The following SENP5 variants were observed in gnomAD, a reference collection of about 807,000 sequenced individuals.
SENP5 encodes the protein SUMO specific peptidase 5, also known as sentrin-specific protease 5.
SENP5 carries 21 observed loss-of-function variants against 74.2 expected under a neutral mutation model. That is an observed-to-expected ratio of 0.28 (90% CI 0.20 to 0.41). The LOEUF is 0.41. Ranked by LOEUF, SENP5 falls within the 10% of genes least tolerant of loss-of-function variation. The pLI, the probability that SENP5 is intolerant of heterozygous loss-of-function variation, is 1.00. For synonymous variants in SENP5, 311 were observed against 312.7 expected, an observed-to-expected ratio of 0.99 and a Z score of 0.06; for missense variants, 717 against 889.1, an observed-to-expected ratio of 0.81 and a Z score of 2.46.
chr3:196,875,055 T>C (rs908721687), intron 1 of SENP5, among the ~76,000 whole-genome samples: 10 of 152,216 alleles, frequency 6.6e-5, no homozygotes, highest in Admixed American at 4.6e-4. Context: ...TATATCTAGC[T>C]GTATATATCC....
At chr3:196,879,945 A>C (rs1713651734) in intron 1 of SENP5, among the ~76,000 whole-genome samples, 1 of 151,970 alleles carries the variant, frequency 6.6e-6, no homozygotes, top group Non-Finnish European at 1.5e-5. Context: ...GTTTTGTTTC[A>C]GTTTTTTTTG....
Position 196,886,067 on chromosome 3 carries a change from C to G in SENP5, c.886C>G (p.Pro296Ala). Residue 296 changes from proline (P) to alanine (A), a missense_variant, in exon 2 of 10, where the codon CCT (proline) becomes GCT (alanine). Around this residue, in one of 4 missense-constraint regions of SENP5, gnomAD observed 567 missense variants for 577.4 expected, o/e 0.98. Coordinates refer to ENST00000323460, the MANE Select transcript of SENP5 (RefSeq NM_152699.5). The stretch of plus-strand genomic sequence containing the variant: ...TTGCAGCCCATTTCCTTCCCCAGAA[C>G]CTAAAGACCCTTCTTGTCGGCATCA... ...GSCSPFPSPE[P>A]KDPSCRHQPY... The G allele has an allele frequency of 1.2e-6, 2 of 1,614,180 alleles. No individual in the cohort carries two copies. The highest frequency in any genetic ancestry group is 1.7e-6 in the Non-Finnish European group (2 of 1,180,030).
chr3:196,869,891 A>G (rs576335032), intron 1 of SENP5, among the ~76,000 whole-genome samples: 1 of 148,624 alleles, frequency 6.7e-6, no homozygotes, highest in Non-Finnish European at 1.5e-5. Context: ...TTCAAAAATC[A>G]TAGAAAAATT....
chr3:196,908,331 C>G (rs1714989516), intron 6 of SENP5, among the ~76,000 whole-genome samples: 1 of 152,114 alleles, frequency 6.6e-6, no homozygotes, highest in Admixed American at 6.5e-5. Flanking sequence ...CAACCTGTTC[C>G]TGAATAACTC....
chr3:196,886,352 G>A lies in SENP5; in HGVS notation c.1171G>A (p.Glu391Lys). 1.9e-6 allele frequency: 3 copies of A among 1,613,440 alleles called. No individual in the cohort carries two copies. Among genetic ancestry groups the A allele is most frequent in the Non-Finnish European group, 2.5e-6 (3 of 1,179,762 alleles). ...RSNTMFISET[E>K]REIMTLGQEN... is the part of the protein sequence containing the mutation. ...TAATACCATGTTCATTTCAGAAACT[G>A]AAAGAGAAATTATGACTCTGGGTCA... The change falls in exon 2 of 10, where the codon GAA becomes AAA. Residue 391 changes from glutamate (E) to lysine (K), a missense_variant. Glu to Lys is a moderately conservative substitution (Grantham distance 56). Transcript: ENST00000323460.
chr3:196,925,391 A>G (rs555045182), intron 7 of SENP5, among the ~76,000 whole-genome samples: 2 of 152,220 alleles, frequency 1.3e-5, no homozygotes, highest in African/African-American at 4.8e-5. Flanking sequence ...CCCTTCCCCT[A>G]ATTCCTTGCC....
At chr3:196,891,542 G>C (rs1714199437) in intron 2 of SENP5, among the ~76,000 whole-genome samples, 2 of 152,204 alleles carry the variant, frequency 1.3e-5, no homozygotes, top group Non-Finnish European at 2.9e-5. Flanking sequence ...GAGGCAGAAG[G>C]ATCGCTTGAG....
chr3:196,888,261 A>G (rs1037439925), intron 2 of SENP5, among the ~76,000 whole-genome samples: 1 of 152,182 alleles, frequency 6.6e-6, no homozygotes, highest in Non-Finnish European at 1.5e-5. Flanking sequence ...ATATAGATCT[A>G]TATTTTGATA....
At chr3:196,873,736 A>T (rs4916570) in intron 1 of SENP5, among the ~76,000 whole-genome samples, 64,268 of 151,790 alleles carry the variant, frequency 0.42, 14,040 homozygotes, top group Non-Finnish European at 0.46. Flanking sequence ...GCTACTCGGG[A>T]GGCTGAGGCA....
chr3:196,922,576 G>A (rs1715661077), intron 6 of SENP5, among the ~76,000 whole-genome samples: 1 of 152,104 alleles, frequency 6.6e-6, no homozygotes, highest in Non-Finnish European at 1.5e-5. Flanking sequence ...AGCCTCCCAA[G>A]TAGCTGGGAC....
intron 2 of SENP5, among the ~76,000 whole-genome samples, chr3:196,894,734 C>T (rs1577813357): frequency 6.6e-6 from 1 of 152,014 alleles, no homozygotes; most frequent in African/African-American, 2.4e-5. Flanking sequence ...TTTGACAGGA[C>T]CTGGCGCTCC....
chr3:196,868,766 T>G (rs990086680), intron 1 of SENP5, among the ~76,000 whole-genome samples: 4 of 152,212 alleles, frequency 2.6e-5, no homozygotes, highest in African/African-American at 9.6e-5. Context: ...CAATGTAAAT[T>G]ATAATGTTTG....
chr3:196,868,341 C>T (rs1321575093), intron 1 of SENP5, among the ~76,000 whole-genome samples: 3 of 152,270 alleles, frequency 2.0e-5, no homozygotes, highest in East Asian at 1.9e-4. Context: ...TGGCGCCCCC[C>T]AGCTCCTCCT....
chr3:196,869,262 G>A (rs1187016861), intron 1 of SENP5, among the ~76,000 whole-genome samples: 2 of 151,824 alleles, frequency 1.3e-5, no homozygotes, highest in Non-Finnish European at 2.9e-5. Context: ...GTGCAGTGGC[G>A]CGATCTTTTC....
At chr3:196,922,221 C>T (rs185794485) in intron 6 of SENP5, among the ~76,000 whole-genome samples, 19 of 152,292 alleles carry the variant, frequency 1.2e-4, no homozygotes, top group African/African-American at 4.6e-4. Context: ...TTAAAAACTT[C>T]ATAAGGTAGG....
chr3:196,912,002 AT>A (rs1000545120), intron 6 of SENP5, among the ~76,000 whole-genome samples: 1 of 152,238 alleles, frequency 6.6e-6, no homozygotes, highest in African/African-American at 2.4e-5. Context: ...TAGTTCAACC[AT>A]TGTGGAAGAC....
chr3:196,894,234 C>G (rs1029759974), intron 2 of SENP5, among the ~76,000 whole-genome samples: 1 of 148,788 alleles, frequency 6.7e-6, no homozygotes, highest in East Asian at 2.1e-4. Flanking sequence ...AGCAATTTTC[C>G]TGCCTCAGCC....
At chr3:196,909,609 A>G (rs1429593590) in intron 6 of SENP5, among the ~76,000 whole-genome samples, 1 of 152,254 alleles carries the variant, frequency 6.6e-6, no homozygotes, top group East Asian at 1.9e-4. Context: ...GATTCAACAT[A>G]TGCAAATCAG....
chr3:196,874,573 C>T (rs1055867663), intron 1 of SENP5, among the ~76,000 whole-genome samples: 32 of 151,936 alleles, frequency 2.1e-4, no homozygotes, highest in Admixed American at 4.6e-4. Context: ...CTTTCCTTTG[C>T]TTAGTCTTTC....
Sources: gnomAD v4.1 joint callset for allele counts (sites outside exome capture counted in the v4.1 genomes callset) on GRCh38, gnomAD v4.1.1 for gene constraint, gnomAD v4.1.1 regional missense constraint, MANE v1.5 for transcripts, NCBI Gene and HGNC (gene_info 2026-07-23, HGNC 2026-07-21) for gene names.